RAD9B: variants seen among roughly 807,000 people sequenced by gnomAD.
RAD9B encodes RAD9 checkpoint clamp component B.
A neutral mutation model predicts 48.3 loss-of-function variants in RAD9B; 41 were observed. That is an observed-to-expected ratio of 0.85 (90% CI 0.66 to 1.10). RAD9B has a LOEUF of 1.10. Among genes scored for constraint, RAD9B ranks in the 50% least tolerant of loss-of-function variants. The pLI is 0.00. For missense variants in RAD9B, 444 were observed against 485.1 expected, an observed-to-expected ratio of 0.92 and a Z score of 0.80; for synonymous variants, 160 against 157.9, an observed-to-expected ratio of 1.01 and a Z score of -0.10.
chr12:110,507,374 A>T (rs2063309573), intron 4 of RAD9B, among the ~76,000 whole-genome samples: 2 of 143,044 alleles, frequency 1.4e-5, no homozygotes, highest in African/African-American at 5.1e-5. Flanking sequence ...ATTATATATA[A>T]TATATGTATT....
chr12:110,519,990 A>G, intron 9 of RAD9B, 74 bp downstream of exon 9: 1 of 1,490,440 alleles, frequency 6.7e-7, no homozygotes, highest in Non-Finnish European at 9.1e-7. Context: ...ATTCACTTGC[A>G]TTCACTTAGG....
In RAD9B at chr12:110,531,096, G is replaced by GTAA; in HGVS notation, c.*446_*448dup. The GTAA allele has an allele frequency of 1.0e-6, 1 of 995,988 alleles. No homozygotes were observed. The highest frequency in any genetic ancestry group is 1.2e-6 in the Non-Finnish European group (1 of 836,884). The allele number at this position is 995,988 out of a possible 1,614,324, so 61.7% of individuals were successfully genotyped here. On this transcript the variant is annotated 3_prime_UTR_variant, in exon 11 of 11. Coordinates refer to ENST00000409300, the MANE Select transcript of RAD9B (RefSeq NM_001286535.2). ...AACATTTGGATTTTAGTTTTCTCATGTAATACCATGGCCTTTTTTGTGCAT... is the reference window on the plus strand; with the variant it reads ...AACATTTGGATTTTAGTTTTCTCATGTAATAATACCATGGCCTTTTTTGTGCAT...
At chr12:110,524,637 C>T (rs762782157) in intron 10 of RAD9B, among the ~76,000 whole-genome samples, 62 of 151,952 alleles carry the variant, frequency 4.1e-4, no homozygotes, top group Non-Finnish European at 5.6e-4. Context: ...CGTGGTGGCT[C>T]ATGCCTGTAA....
chr12:110,518,774 G>T lies in RAD9B; in HGVS notation c.694G>T (p.Glu232Ter), dbSNP rs1220951418. 2 of 1,597,440 alleles carry T rather than the reference G, an allele frequency of 1.3e-6. No individual in the cohort carries two copies. The highest frequency in any genetic ancestry group is 4.5e-5 in the East Asian group (2 of 44,734). Residue 232 changes from glutamate (E) to a stop codon, truncating the protein, a stop_gained, in exon 7 of 11, where the codon GAA (glutamate) becomes TAA (stop). Transcript: ENST00000409300. LOFTEE classifies it high-confidence loss of function. The part of the protein sequence containing the change: ...MDTEITFCFK[E>*]LKGILTFSEA... Reference sequence around the variant, plus strand: ...CACTGAGATAACATTTTGTTTCAAAGAATTGAAGGTAAATAAAGATTTGTA... The same window carrying T: ...CACTGAGATAACATTTTGTTTCAAATAATTGAAGGTAAATAAAGATTTGTA...
Position 110,503,576 on chromosome 12 carries a change from A to G in RAD9B, c.47-230A>G, listed in dbSNP as rs1171927710. On this transcript the variant is annotated intron_variant, in intron 1 of 10. Coordinates refer to ENST00000409300, the MANE Select transcript of RAD9B (RefSeq NM_001286535.2). ...AACACTGTAAACATATAGAAGGACA[A>G]ATTTCGGTCAATTTTATCATTTCAC... The G allele has an allele frequency of 8.1e-6, 4 of 495,646 alleles. No homozygotes were observed. In the Admixed American group the frequency reaches 1.1e-4, roughly 14 times the overall value. 30.7% of individuals were successfully genotyped at this position (495,646 alleles called of 1,614,324 possible).
chr12:110,526,204 C>T (rs904085303), intron 10 of RAD9B, among the ~76,000 whole-genome samples: 1 of 151,748 alleles, frequency 6.6e-6, no homozygotes, highest in Non-Finnish European at 1.5e-5. Flanking sequence ...AAAATAGGGA[C>T]AATATGTATA....
intron 4 of RAD9B, among the ~76,000 whole-genome samples, chr12:110,512,008 G>A (rs559512542): frequency 9.2e-4 from 140 of 151,988 alleles, no homozygotes; most frequent in African/African-American, 3.3e-3. Flanking sequence ...CACCACGCCC[G>A]GCTAGTTTTT....
At chr12:110,513,942 T>C (rs1167561441) in intron 5 of RAD9B, among the ~76,000 whole-genome samples, 1 of 151,862 alleles carries the variant, frequency 6.6e-6, no homozygotes, top group Non-Finnish European at 1.5e-5. Flanking sequence ...TCAGGCTGAT[T>C]GAGACAAACT....
Position 110,506,809 on chromosome 12 carries a change from G to A in RAD9B, c.388+116G>A. On this transcript the variant is annotated intron_variant, in intron 4 of 10. Coordinates refer to ENST00000409300, the MANE Select transcript of RAD9B (RefSeq NM_001286535.2). ...CGTTACATTATTGCTTAGAGTGTGT[G>A]TAGTTAAGTGGTAGGGCAGTTTGAA... The A allele has an allele frequency of 1.2e-5, 7 of 575,010 alleles. No individual in the cohort carries two copies. In the South Asian group the frequency reaches 1.3e-4, roughly 11 times the overall value. 35.6% of individuals were successfully genotyped at this position (575,010 alleles called of 1,614,324 possible). A position where few individuals can be genotyped will look rare whatever the true frequency, so the allele number is the denominator to read the frequency against.
intron 1 of RAD9B, 21 bp downstream of exon 1, chr12:110,502,404 T>C: frequency 1.2e-6 from 2 of 1,612,934 alleles, no homozygotes; most frequent in Admixed American, 1.7e-5. Context: ...CTTTGTTGTC[T>C]TCCCATTTAG....
chr12:110,523,298 G>A (rs947150196), intron 10 of RAD9B, among the ~76,000 whole-genome samples: 2 of 151,992 alleles, frequency 1.3e-5, no homozygotes, highest in African/African-American at 4.8e-5. Flanking sequence ...GCCAGATGTG[G>A]TGGCTGTAGA....
intron 5 of RAD9B, among the ~76,000 whole-genome samples, chr12:110,513,648 A>G (rs1223158372): frequency 6.6e-6 from 1 of 150,540 alleles, no homozygotes; most frequent in Non-Finnish European, 1.5e-5. Context: ...ACATTAATGA[A>G]CATTACTTTG....
intron 4 of RAD9B, chr12:110,511,687 C>T (rs754091361): frequency 4.4e-5 from 9 of 204,580 alleles, no homozygotes; most frequent in Non-Finnish European, 7.4e-5. Context: ...AAGTTAGCAG[C>T]GGTGTATTCT....
intron 3 of RAD9B, 65 bp from the exon 4 acceptor site, chr12:110,506,514 A>T (rs1338154479): frequency 2.8e-5 from 24 of 856,712 alleles, no homozygotes; most frequent in Non-Finnish European, 4.6e-5. Flanking sequence ...GAATGCATAT[A>T]CTTTTGTTTC....
chr12:110,530,374 A>G (rs2064098929), intron 10 of RAD9B, 151 bp from the exon 11 acceptor site: 3 of 723,638 alleles, frequency 4.1e-6, no homozygotes, highest in South Asian at 3.5e-5. Context: ...TGTTGGACCA[A>G]TAATGAAGGT....
intron 6 of RAD9B, among the ~76,000 whole-genome samples, chr12:110,516,151 C>T (rs745504341): frequency 2.0e-4 from 31 of 151,816 alleles, no homozygotes; most frequent in African/African-American, 7.3e-4. Context: ...TGCTTGAGCC[C>T]GTAAGTTTGA....
At chr12:110,503,940 A>G (rs1055781812) in intron 2 of RAD9B, 64 bp downstream of exon 2, 1 of 944,504 alleles carries the variant, frequency 1.1e-6, no homozygotes, top group Non-Finnish European at 1.5e-6. Context: ...ATCCCAGTCC[A>G]GATTGAATGT....
chr12:110,525,265 A>G (rs1374110715), intron 10 of RAD9B, among the ~76,000 whole-genome samples: 1 of 152,042 alleles, frequency 6.6e-6, no homozygotes, highest in Non-Finnish European at 1.5e-5. Flanking sequence ...TGCTGGGGTT[A>G]CAGGTGTGAG....
At chr12:110,529,022 C>T (rs1161031088) in intron 10 of RAD9B, among the ~76,000 whole-genome samples, 4 of 151,848 alleles carry the variant, frequency 2.6e-5, no homozygotes, top group Admixed American at 2.0e-4. Context: ...GCTACCGTGC[C>T]GGGCCTGGAG....
Sources: gnomAD v4.1 joint callset for allele counts (sites outside exome capture counted in the v4.1 genomes callset) on GRCh38, gnomAD v4.1.1 for gene constraint, MANE v1.5 for transcripts, NCBI Gene and HGNC (gene_info 2026-07-23, HGNC 2026-07-21) for gene names.